The following USP34 variants were observed in gnomAD, a reference collection of about 807,000 sequenced individuals.
The protein encoded by USP34 is ubiquitin specific peptidase 34.
In USP34, 70 loss-of-function variants were observed where a neutral mutation model predicts 460.3. The observed-to-expected ratio is 0.15, with a 90% CI of 0.13 to 0.19. USP34 has a LOEUF of 0.19. USP34 is among the 10% of genes least tolerant of loss of function. The probability of loss-of-function intolerance (pLI) is 1.00; values close to 1 mark genes in which losing one functional copy is unlikely to be tolerated. For synonymous variants in USP34, 1,647 were observed against 1,405.3 expected (o/e 1.17, Z -3.85); for missense variants, 3,985 against 4,236.2 (o/e 0.94, Z 1.65).
intron 10 of USP34, among the ~76,000 whole-genome samples, chr2:61,359,069 C>CT (rs1394559413): frequency 6.6e-6 from 1 of 152,068 alleles, no homozygotes; most frequent in African/African-American, 2.4e-5. Context: ...AATATCTATT[C>CT]TTTTTTACAA....
At chr2:61,252,912 C>A (rs1361912344) in intron 48 of USP34, among the ~76,000 whole-genome samples, 1 of 152,186 alleles carries the variant, frequency 6.6e-6, no homozygotes, top group Non-Finnish European at 1.5e-5. Context: ...AAACAAAACA[C>A]ATCACTAAAC....
chr2:61,346,146 A>T (rs1691760293), intron 15 of USP34: 2 of 152,132 alleles, frequency 1.3e-5, no homozygotes, highest in Admixed American at 6.6e-5. Context: ...GGCATTTATT[A>T]CAAGATGTTG....
At chr2:61,377,384 T>A (rs2103855179) in intron 8 of USP34, among the ~76,000 whole-genome samples, 1 of 152,294 alleles carries the variant, frequency 6.6e-6, no homozygotes, top group South Asian at 2.1e-4. Flanking sequence ...AACTGATTTC[T>A]ATACTAGATG....
chr2:61,359,786 T>G (rs956973779), intron 10 of USP34, among the ~76,000 whole-genome samples: 2 of 144,296 alleles, frequency 1.4e-5, no homozygotes, highest in South Asian at 2.3e-4. Context: ...GTTGTTTTTT[T>G]TTTTTTTTTT....
At chr2:61,312,039 A>G in intron 25 of USP34, 129 bp from the exon 26 acceptor site, 1 of 1,119,872 alleles carries the variant, frequency 8.9e-7, no homozygotes, top group Non-Finnish European at 1.2e-6. Context: ...AATGTATTCT[A>G]CAGCAACAAA....
At chr2:61,450,791 T>A (rs180965136) in intron 1 of USP34, among the ~76,000 whole-genome samples, 89 of 151,278 alleles carry the variant, frequency 5.9e-4, no homozygotes, top group Non-Finnish European at 7.5e-4. Context: ...ATACATTATT[T>A]CCTTTCGGGA....
At chr2:61,249,964 C>T (rs1688530584) in intron 48 of USP34, 1 of 165,722 alleles carries the variant, frequency 6.0e-6, no homozygotes, top group African/African-American at 2.4e-5. Flanking sequence ...AAACAGCTCT[C>T]AGGCTAGGCG....
intron 5 of USP34, among the ~76,000 whole-genome samples, chr2:61,384,136 A>C (rs1693062825): frequency 6.6e-6 from 1 of 152,212 alleles, no homozygotes; most frequent in South Asian, 2.1e-4. Context: ...CACTGATTAC[A>C]ATATCAACAA....
chr2:61,447,814 C>G (rs1695162649), intron 1 of USP34, among the ~76,000 whole-genome samples: 1 of 152,122 alleles, frequency 6.6e-6, no homozygotes, highest in Non-Finnish European at 1.5e-5. Flanking sequence ...CTACTGGGAT[C>G]AAGCCATTCT....
chr2:61,207,635 T>C (rs1483408186), intron 70 of USP34: 1 of 152,178 alleles, frequency 6.6e-6, no homozygotes, highest in East Asian at 1.9e-4. Context: ...CCACAGTGCT[T>C]GGCACAGAGG....
chr2:61,330,877 TAATAA>T (rs1376561991), intron 20 of USP34, among the ~76,000 whole-genome samples: 1 of 152,162 alleles, frequency 6.6e-6, no homozygotes, highest in African/African-American at 2.4e-5. Flanking sequence ...TATGCAATTA[TAATAA>T]AATGTTTTAA....
chr2:61,209,267 T>G (rs368951269), intron 69 of USP34, among the ~76,000 whole-genome samples: 1 of 152,250 alleles, frequency 6.6e-6, no homozygotes, highest in African/African-American at 2.4e-5. Flanking sequence ...ATTTTTATAA[T>G]AGGCTCATCT....
intron 8 of USP34, among the ~76,000 whole-genome samples, chr2:61,375,402 A>C (rs1174339047): frequency 6.6e-6 from 1 of 152,228 alleles, no homozygotes. Context: ...AGTATCTACC[A>C]TGAAAAATGA....
chr2:61,326,413 G>A (rs1691091476), intron 20 of USP34, among the ~76,000 whole-genome samples: 1 of 152,152 alleles, frequency 6.6e-6, no homozygotes, highest in African/African-American at 2.4e-5. Flanking sequence ...TATTATAGTA[G>A]AGACGGGGTT....
chr2:61,318,190 C>CAAAAAAAA (rs35751865), intron 22 of USP34, among the ~76,000 whole-genome samples: 4 of 108,180 alleles, frequency 3.7e-5, no homozygotes, highest in Non-Finnish European at 5.5e-5. Flanking sequence ...AAGCCCATCT[C>CAAAAAAAA]AAAAAAAAAA....
chr2:61,354,316 C>T (rs748797050), intron 10 of USP34, among the ~76,000 whole-genome samples: 32 of 152,122 alleles, frequency 2.1e-4, no homozygotes, highest in African/African-American at 3.9e-4. Context: ...TCATCCAAAA[C>T]GTTAGAGGCC....
chr2:61,317,645 A>C lies in USP34; in HGVS notation c.3282+9T>G. 2 of 1,605,324 alleles carry C rather than the reference A, an allele frequency of 1.2e-6. No individual in the cohort carries two copies. Among genetic ancestry groups the C allele is most frequent in the Non-Finnish European group, 1.7e-6 (2 of 1,175,020 alleles). ...AAAGTTGCCTAATAAAGTAAGTCTAAATCCATACCTCAGAATTTGAACAAC... is the reference window on the plus strand; with the variant it reads ...AAAGTTGCCTAATAAAGTAAGTCTACATCCATACCTCAGAATTTGAACAAC... On this transcript the variant is annotated intron_variant, in intron 23 of 79. Coordinates refer to ENST00000398571, the MANE Select transcript of USP34 (RefSeq NM_014709.4).
In USP34 at chr2:61,429,123, A is replaced by G. The variant is rs1694591976; in HGVS notation, c.44-8290T>C. On this transcript the variant is annotated intron_variant, in intron 1 of 79. Transcript: ENST00000398571. ...CTAGACCAGCCTGGGCAACAGTACA[A>G]GACACTATCTCTACTAAACAAATTT... is the stretch of plus-strand genomic sequence containing the variant. 2.6e-5 allele frequency among the ~76,000 whole-genome samples: 4 copies of G among 152,312 alleles called. No individual in the cohort carries two copies. The South Asian group carries it at 8.3e-4, about 32-fold the overall frequency.
In USP34 at chr2:61,295,246, G is replaced by A. The variant is rs775616779; in HGVS notation, c.4299C>T (p.Ser1433=). The part of the protein sequence containing the change: ...FNWKELLKIK[S]AHKLLYALEI... ...CCAGAGCATACAATAGCTTGTGGGC[G>A]CTCTTAATTTTGAGAAGTTCTTTCC... is the stretch of plus-strand genomic sequence containing the variant. The change falls in exon 31 of 80, where the codon AGC becomes AGT. Residue 1433 remains serine (S), a synonymous_variant. Coordinates refer to ENST00000398571, the MANE Select transcript of USP34 (RefSeq NM_014709.4). 17 of 1,606,714 alleles carry A rather than the reference G, an allele frequency of 1.1e-5. No individual in the cohort carries two copies. Among genetic ancestry groups the A allele is most frequent in the Middle Eastern group, 1.7e-4 (1 of 6,054 alleles).
Sources: allele counts gnomAD v4.1 joint callset (sites outside exome capture counted in the v4.1 genomes callset), GRCh38; gene constraint gnomAD v4.1.1; transcripts MANE v1.5; gene names NCBI Gene and HGNC (gene_info 2026-07-23, HGNC 2026-07-21).